The following NOSTRIN variants were observed in gnomAD, a reference collection of about 807,000 sequenced individuals.
The protein encoded by NOSTRIN is BM247 homolog.
A neutral mutation model predicts 59.0 loss-of-function variants in NOSTRIN; 63 were observed. That is an observed-to-expected ratio of 1.07 (90% CI 0.87 to 1.32). NOSTRIN has a LOEUF of 1.32. NOSTRIN is among the 40% of genes most tolerant of loss of function. The pLI, the probability that NOSTRIN is intolerant of heterozygous loss-of-function variation, is 0.00. For missense variants in NOSTRIN, 512 were observed against 473.1 expected (o/e 1.08, Z -0.76); for synonymous variants, 200 against 165.4 (o/e 1.21, Z -1.61).
At chr2:168,802,755 G>A in intron 1 of NOSTRIN, 82 bp downstream of exon 1, 1 of 828,040 alleles carries the variant, frequency 1.2e-6, no homozygotes, top group East Asian at 2.5e-5. Context: ...TTTAACTTAA[G>A]AAATTTGAGA....
Position 168,859,581 on chromosome 2 carries a change from C to T in NOSTRIN, c.1123C>T (p.Gln375Ter), listed in dbSNP as rs1201686602. 9.3e-6 allele frequency: 15 copies of T among 1,613,984 alleles called. No homozygotes were observed. Among genetic ancestry groups the T allele is most frequent in the African/African-American group, 2.7e-5 (2 of 74,920 alleles). ...GTCATCAATGTTAGCAGAACTTGAG[C>T]AAAGACCTCAACCCAGCCATCCTTG... ...KLSSMLAELE[Q>*]RPQPSHPCSN... The change falls in exon 13 of 16, where the codon CAA (glutamine) becomes TAA (stop). Residue 375 changes from glutamine (Q) to a stop codon, truncating the protein, a stop_gained. Coordinates refer to ENST00000317647, the MANE Select transcript of NOSTRIN (RefSeq NM_001039724.4). LOFTEE classifies it high-confidence loss of function.
In NOSTRIN at chr2:168,856,748, C is replaced by T. The variant is rs756226003; in HGVS notation, c.1023C>T (p.Ser341=). 6.2e-6 allele frequency: 10 copies of T among 1,614,084 alleles called. No individual in the cohort carries two copies. The highest frequency in any genetic ancestry group is 8.5e-6 in the Non-Finnish European group (10 of 1,179,978). ...SSTSSFSDAK[S]QKDTAALMDE... is the part of the protein sequence containing the mutation. ...CCTCCTCCTTCTCTGATGCAAAGAG[C>T]CAGAAAGACACAGCAGCGTTAATGG... Residue 341 remains serine (S), a synonymous_variant, in exon 12 of 16, where the codon AGC becomes AGT. Coordinates refer to ENST00000317647, the MANE Select transcript of NOSTRIN (RefSeq NM_001039724.4).
intron 7 of NOSTRIN, among the ~76,000 whole-genome samples, chr2:168,840,270 C>G (rs992138689): frequency 6.6e-6 from 1 of 152,052 alleles, no homozygotes; most frequent in Middle Eastern, 3.2e-3. Context: ...GTGGCTCACG[C>G]CTGTAATCCC....
At position 168,864,743 on chromosome 2, in the gene NOSTRIN, T is replaced by C. The variant is rs184365209; in HGVS notation, c.1385-91T>C. The C allele has an allele frequency of 5.4e-6, 8 of 1,468,576 alleles. No homozygotes were observed. The East Asian group carries it at 1.1e-4, about 21-fold the overall frequency. The allele number at this position is 1,468,576 out of a possible 1,614,324, so 91.0% of individuals were successfully genotyped here. On this transcript the variant is annotated intron_variant, in intron 15 of 15. Transcript: ENST00000317647. ...GAAAATGACACTACCAAGTAAATCC[T>C]TGAAGCAGAACCTCCTTAAAACTCT...
chr2:168,825,424 G>A (rs899179235), intron 3 of NOSTRIN, among the ~76,000 whole-genome samples: 3 of 152,168 alleles, frequency 2.0e-5, no homozygotes, highest in African/African-American at 4.8e-5. Context: ...AGGTTGTCTT[G>A]GAGTCAGGAA....
At chr2:168,844,446 C>T (rs1437069606) in intron 8 of NOSTRIN, among the ~76,000 whole-genome samples, 1 of 152,122 alleles carries the variant, frequency 6.6e-6, no homozygotes, top group East Asian at 1.9e-4. Flanking sequence ...GATCTGATGG[C>T]CAGCCTGGAA....
intron 12 of NOSTRIN, chr2:168,859,235 C>G (rs1470071196): frequency 3.5e-6 from 1 of 286,672 alleles, no homozygotes; most frequent in Non-Finnish European, 6.4e-6. Flanking sequence ...TGAGTAAAAC[C>G]TCTTCATTGC....
intron 7 of NOSTRIN, among the ~76,000 whole-genome samples, chr2:168,837,052 G>A (rs907209094): frequency 6.6e-5 from 10 of 152,080 alleles, no homozygotes; most frequent in Non-Finnish European, 1.2e-4. Context: ...CTCACGTGGT[G>A]GAAAGAGAGC....
chr2:168,826,289 A>G (rs1186283194), intron 3 of NOSTRIN, among the ~76,000 whole-genome samples: 1 of 152,200 alleles, frequency 6.6e-6, no homozygotes, highest in African/African-American at 2.4e-5. Flanking sequence ...AAGAGTTGGC[A>G]GGTCCAGAAT....
intron 2 of NOSTRIN, among the ~76,000 whole-genome samples, chr2:168,790,653 T>G (rs1685323532): frequency 6.6e-6 from 1 of 152,240 alleles, no homozygotes; most frequent in Non-Finnish European, 1.5e-5. Flanking sequence ...AGCTAAGAAC[T>G]GTTCCAGAGT....
At chr2:168,819,214 T>C (rs757434671) in intron 2 of NOSTRIN, among the ~76,000 whole-genome samples, 1 of 152,138 alleles carries the variant, frequency 6.6e-6, no homozygotes, top group Non-Finnish European at 1.5e-5. Flanking sequence ...ATAAAGCACC[T>C]CCCTTTGAGA....
chr2:168,822,345 GAGA>G (rs1686792115), intron 2 of NOSTRIN, among the ~76,000 whole-genome samples: 1 of 79,966 alleles, frequency 1.3e-5, no homozygotes, highest in Non-Finnish European at 2.8e-5. Context: ...GCTGTACTAA[GAGA>G]AAAAAAAAAT....
chr2:168,829,963 A>G lies in NOSTRIN; in HGVS notation c.342+1462A>G, dbSNP rs146653243. On this transcript the variant is annotated intron_variant, in intron 5 of 15. Transcript: ENST00000317647. ...AATGATTTTTAAAAATTTTATTCAAACTCATTAAGCTGGGTCAGGAAGTGG... is the reference window on the plus strand; with the variant it reads ...AATGATTTTTAAAAATTTTATTCAAGCTCATTAAGCTGGGTCAGGAAGTGG... Among the ~76,000 whole-genome samples the G allele has an allele frequency of 5.3e-5, 8 of 152,172 alleles. No individual in the cohort carries two copies. In the East Asian group the frequency reaches 1.5e-3, roughly 29 times the overall value.
intron 6 of NOSTRIN, among the ~76,000 whole-genome samples, chr2:168,832,161 A>G (rs949653125): frequency 1.3e-5 from 2 of 152,190 alleles, no homozygotes; most frequent in Non-Finnish European, 2.9e-5. Flanking sequence ...ACACTATTCT[A>G]AGACATAATT....
intron 2 of NOSTRIN, among the ~76,000 whole-genome samples, chr2:168,812,803 A>C (rs1686216398): frequency 6.6e-6 from 1 of 152,210 alleles, no homozygotes; most frequent in Non-Finnish European, 1.5e-5. Context: ...AGAGAGGGGC[A>C]GAGTGTGTCC....
chr2:168,798,024 C>T (rs757052530), upstream of NOSTRIN: 1 of 152,164 alleles, frequency 6.6e-6, no homozygotes, highest in Non-Finnish European at 1.5e-5. Context: ...CTACACACAT[C>T]CTCCCATGTA....
At chr2:168,796,111 C>T (rs1356704086), upstream of NOSTRIN, among the ~76,000 whole-genome samples, 1 of 152,202 alleles carries the variant, frequency 6.6e-6, no homozygotes, top group East Asian at 1.9e-4. Flanking sequence ...TCTACACTTC[C>T]ATCTGAGGGT....
chr2:168,863,883 CATAAGGATAT>C (rs760492618), intron 15 of NOSTRIN, among the ~76,000 whole-genome samples: 2 of 152,040 alleles, frequency 1.3e-5, no homozygotes, highest in Non-Finnish European at 2.9e-5. Flanking sequence ...AGCCAGGCAG[CATAAGGATAT>C]ATGATCCAAC....
At chr2:168,844,481 T>A (rs1688286615) in intron 8 of NOSTRIN, among the ~76,000 whole-genome samples, 2 of 152,334 alleles carry the variant, frequency 1.3e-5, no homozygotes. Flanking sequence ...TCAGTGCTCC[T>A]CTTTTAGGCT....
Sources: gnomAD v4.1 joint callset for allele counts (sites outside exome capture counted in the v4.1 genomes callset) on GRCh38, gnomAD v4.1.1 for gene constraint, MANE v1.5 for transcripts, NCBI Gene and HGNC (gene_info 2026-07-23, HGNC 2026-07-21) for gene names.